The following MKX variants were observed in gnomAD, a reference collection of about 807,000 sequenced individuals.
MKX encodes homeobox protein Mohawk.
MKX carries 13 observed loss-of-function variants against 36.0 expected under a neutral mutation model. That is an observed-to-expected ratio of 0.36 (90% CI 0.24 to 0.57). MKX has a LOEUF of 0.57. Ranked by LOEUF, MKX falls within the 20% of genes least tolerant of loss-of-function variation. The pLI, the probability that MKX is intolerant of heterozygous loss-of-function variation, is 0.79. For missense variants in MKX, 458 were observed against 456.4 expected (o/e 1.00, Z -0.03); for synonymous variants, 176 against 178.3 (o/e 0.99, Z 0.10).
At position 27,707,598 on chromosome 10, in the gene MKX, A is replaced by T. The variant is rs11015957; in HGVS notation, c.838+26858T>A. ...GGGGAGGTATTAATAAAAGCAACAT[A>T]AAAATTCAGCCTCTTCCAGGCTTGC... On this transcript the variant is annotated intron_variant, in intron 5 of 6. Coordinates refer to ENST00000419761, the MANE Select transcript of MKX (RefSeq NM_173576.3). 0.01 allele frequency among the ~76,000 whole-genome samples: 1,534 copies of T among 152,282 alleles called. 71 individuals are homozygous for T. In the East Asian group the frequency reaches 0.14, roughly 14 times the overall value.
intron 5 of MKX, among the ~76,000 whole-genome samples, chr10:27,690,534 C>T (rs1406340500): frequency 6.6e-6 from 1 of 152,152 alleles, no homozygotes; most frequent in African/African-American, 2.4e-5. Flanking sequence ...TGACCTTGGG[C>T]AAGTTATTTA....
chr10:27,686,422 G>A (rs66980923), intron 5 of MKX, among the ~76,000 whole-genome samples: 2 of 150,550 alleles, frequency 1.3e-5, no homozygotes, highest in Admixed American at 1.3e-4. Flanking sequence ...AGGAAGGAAG[G>A]AAGGAAGGAA....
At position 27,741,876 on chromosome 10, in the gene MKX, C is replaced by T. The variant is rs1017831240; in HGVS notation, c.189-372G>A. 2.6e-5 allele frequency among the ~76,000 whole-genome samples: 4 copies of T among 152,194 alleles called. No homozygotes were observed. The highest frequency in any genetic ancestry group is 7.2e-5 in the African/African-American group (3 of 41,460). On this transcript the variant is annotated intron_variant, in intron 2 of 6. Coordinates refer to ENST00000419761, the MANE Select transcript of MKX (RefSeq NM_173576.3). The surrounding 1 kb of genome is among the most constrained non-coding windows in gnomAD (Gnocchi z 5.1). The stretch of plus-strand genomic sequence containing the variant: ...GCGCCGCACCCTCGAGTGGCCCTGG[C>T]CTGGCAGGCCTGGCAGGGTATGCGG...
At chr10:27,738,409 A>G (rs924867122) in intron 3 of MKX, among the ~76,000 whole-genome samples, 5 of 152,046 alleles carry the variant, frequency 3.3e-5, no homozygotes, top group African/African-American at 1.2e-4. Context: ...TCTACTATGG[A>G]TTCCTTCGGG....
chr10:27,724,450 A>G (rs1172012695), intron 5 of MKX, among the ~76,000 whole-genome samples: 1 of 152,176 alleles, frequency 6.6e-6, no homozygotes, highest in Non-Finnish European at 1.5e-5. Flanking sequence ...GCAAATGCTA[A>G]AAGTGAATTT....
intron 5 of MKX, among the ~76,000 whole-genome samples, chr10:27,724,343 G>A (rs1834441298): frequency 6.6e-6 from 1 of 152,154 alleles, no homozygotes; most frequent in Non-Finnish European, 1.5e-5. Context: ...TGAAAAAAGT[G>A]CTTAAGAGAA....
intron 5 of MKX, among the ~76,000 whole-genome samples, chr10:27,683,419 C>T (rs1836290322): frequency 6.6e-6 from 1 of 152,250 alleles, no homozygotes; most frequent in South Asian, 2.1e-4. Context: ...TGTGTTAGTA[C>T]ACACTACGAG....
At chr10:27,687,919 G>C (rs1237046982) in intron 5 of MKX, among the ~76,000 whole-genome samples, 4 of 152,148 alleles carry the variant, frequency 2.6e-5, no homozygotes, top group Admixed American at 6.5e-5. Context: ...TGGTCTGGAG[G>C]GAGACTTAGA....
In MKX at chr10:27,681,515, TTA is replaced by T. The variant is rs373553153; in HGVS notation, c.839-5963_839-5962del. Among the ~76,000 whole-genome samples the T allele has an allele frequency of 1.1e-4, 17 of 152,232 alleles. No homozygotes were observed. The East Asian group carries it at 3.1e-3, about 28-fold the overall frequency. On this transcript the variant is annotated intron_variant, in intron 5 of 6. Transcript: ENST00000419761. ...AAATGTATAAAGTATAGCACATAAA[TTA>T]TATACAGTACATAATACTTGATAAT...
At chr10:27,729,292 C>CT (rs57352901) in intron 5 of MKX, among the ~76,000 whole-genome samples, 86,940 of 118,096 alleles carry the variant, frequency 0.74, 33,310 homozygotes, top group Non-Finnish European at 0.82. Context: ...TGCACTAGGC[C>CT]TTTTTTTTTT....
At chr10:27,743,103 A>C in intron 2 of MKX, 125 bp downstream of exon 2, 2 of 890,336 alleles carry the variant, frequency 2.2e-6, no homozygotes, top group Non-Finnish European at 3.1e-6. Context: ...GCAGACCTGC[A>C]CTCCCAGGGA....
At chr10:27,715,461 G>A (rs1234366365) in intron 5 of MKX, among the ~76,000 whole-genome samples, 2 of 152,176 alleles carry the variant, frequency 1.3e-5, no homozygotes, top group East Asian at 3.8e-4. Context: ...GTGCTACGTG[G>A]CTGATCCTAA....
At chr10:27,711,494 T>TTCTTTCCTTC (rs773287899) in intron 5 of MKX, among the ~76,000 whole-genome samples, 2 of 34,152 alleles carry the variant, frequency 5.9e-5, no homozygotes, top group African/African-American at 2.9e-4. Context: ...TCTCTCTCTC[T>TTCTTTCCTTC]CTTCTTTCCT....
chr10:27,678,547 C>T (rs148233142), intron 5 of MKX, among the ~76,000 whole-genome samples: 15 of 152,236 alleles, frequency 9.9e-5, no homozygotes, highest in African/African-American at 3.6e-4. Context: ...CTGTTCCCTA[C>T]CTGAACTGTC....
intron 5 of MKX, among the ~76,000 whole-genome samples, chr10:27,698,864 A>T (rs992098946): frequency 7.2e-5 from 11 of 152,342 alleles, no homozygotes; most frequent in Middle Eastern, 6.8e-3. Context: ...AAAAAGAGGT[A>T]TGTAAATCAA....
intron 5 of MKX, among the ~76,000 whole-genome samples, chr10:27,719,039 T>C (rs1306659083): frequency 2.0e-5 from 3 of 152,210 alleles, no homozygotes; most frequent in Non-Finnish European, 2.9e-5. Flanking sequence ...GTTATAGAAT[T>C]ACCCTTTAAG....
chr10:27,711,455 CTTTCTTTCTTTCTTTCTTTCTT>C (rs1564356847), intron 5 of MKX, among the ~76,000 whole-genome samples: 13 of 14,364 alleles, frequency 9.1e-4, no homozygotes, highest in East Asian at 4.2e-3. Context: ...TTCTTTCTTT[CTTTCTTTCTTTCTTTCTTTCTT>C]TCTTTCTCTC....
intron 5 of MKX, among the ~76,000 whole-genome samples, chr10:27,693,087 C>G (rs1203722208): frequency 3.3e-5 from 5 of 152,176 alleles, no homozygotes; most frequent in Non-Finnish European, 7.3e-5. Context: ...CTTCTGGAAC[C>G]ATAGGGCTGA....
At position 27,711,494 on chromosome 10, in the gene MKX, T is replaced by TCTCTTCCTTCCTTCCTTC. The variant is rs1554772211; in HGVS notation, c.838+22961_838+22962insGAAGGAAGGAAGGAAGAG. Among the ~76,000 whole-genome samples the TCTCTTCCTTCCTTCCTTC allele has an allele frequency of 1.5e-3, 51 of 34,102 alleles. 2 individuals are homozygous for TCTCTTCCTTCCTTCCTTC. The highest frequency in any genetic ancestry group is 4.3e-3 in the South Asian group (4 of 930). 22.4% of individuals were successfully genotyped at this position (34,102 alleles called of 152,430 possible). A position where few individuals can be genotyped will look rare whatever the true frequency, so the allele number is the denominator to read the frequency against. On this transcript the variant is annotated intron_variant, in intron 5 of 6. Coordinates refer to ENST00000419761, the MANE Select transcript of MKX (RefSeq NM_173576.3). ...TTCTTTCTTTCTTTCTCTCTCTCTC[T>TCTCTTCCTTCCTTCCTTC]CTTCTTTCCTTCCTTCCTTCCTTCC...
Sources: allele counts gnomAD v4.1 joint callset (sites outside exome capture counted in the v4.1 genomes callset), GRCh38; gene constraint gnomAD v4.1.1; non-coding constraint Gnocchi (gnomAD v3.1); transcripts MANE v1.5; gene names NCBI Gene and HGNC (gene_info 2026-07-23, HGNC 2026-07-21).